Variants in TBPL2 observed in about 807,000 individuals in gnomAD.
TBPL2 encodes the protein TATA box-binding protein-like 2.
In TBPL2, 40 loss-of-function variants were observed where a neutral mutation model predicts 38.2. The observed-to-expected ratio is 1.05, with a 90% CI of 0.81 to 1.36. TBPL2 has a LOEUF of 1.36. TBPL2 is among the 40% of genes most tolerant of loss of function. The pLI is 0.00. For synonymous variants in TBPL2, 169 were observed against 171.7 expected (o/e 0.98, Z 0.12); for missense variants, 461 against 456.7 (o/e 1.01, Z -0.09).
chr14:55,437,929 AATTT>A (rs2140181531), intron 1 of TBPL2, among the ~76,000 whole-genome samples: 1 of 152,334 alleles, frequency 6.6e-6, no homozygotes, highest in Admixed American at 6.5e-5. Flanking sequence ...AGTGTAAATC[AATTT>A]ATTTTCAGTC....
At chr14:55,422,160 A>G (rs1004558548) in intron 6 of TBPL2, among the ~76,000 whole-genome samples, 2 of 152,216 alleles carry the variant, frequency 1.3e-5, no homozygotes, top group African/African-American at 2.4e-5. Context: ...GAGTCATCCA[A>G]AATTAATGAG....
chr14:55,432,150 G>A (rs764435571), intron 4 of TBPL2, among the ~76,000 whole-genome samples: 11 of 151,628 alleles, frequency 7.3e-5, no homozygotes, highest in Non-Finnish European at 1.5e-4. Flanking sequence ...GCTCACGCCT[G>A]TAATCCCAGC....
chr14:55,428,954 G>T, exon 5 of TBPL2: 1 of 1,614,126 alleles, frequency 6.2e-7, no homozygotes, highest in Non-Finnish European at 8.5e-7. Context: ...TTTTCTTGCT[G>T]CAAGTCGAGA....
At chr14:55,430,303 C>T (rs552170435) in intron 4 of TBPL2, among the ~76,000 whole-genome samples, 29 of 150,048 alleles carry the variant, frequency 1.9e-4, no homozygotes, top group Admixed American at 1.7e-3. Context: ...GTTTGATTCT[C>T]TTATCCAGAT....
chr14:55,416,463 A>G (rs1294637657), intron 6 of TBPL2, among the ~76,000 whole-genome samples: 1 of 152,220 alleles, frequency 6.6e-6, no homozygotes, highest in African/African-American at 2.4e-5. Context: ...GAGAAAAAAT[A>G]AAGAGAAGAA....
intron 1 of TBPL2, among the ~76,000 whole-genome samples, chr14:55,437,384 A>G (rs1190583344): frequency 6.6e-6 from 1 of 152,266 alleles, no homozygotes; most frequent in African/African-American, 2.4e-5. Context: ...AGGCTGAGGC[A>G]TGAGAATCTC....
intron 5 of TBPL2, 75 bp downstream of exon 5, chr14:55,428,732 A>G (rs1885872918): frequency 6.9e-7 from 1 of 1,445,322 alleles, no homozygotes; most frequent in Non-Finnish European, 9.4e-7. Flanking sequence ...TCTGAAAGAT[A>G]CTTTACGTAA....
exon 6 of TBPL2, chr14:55,424,226 A>T: frequency 6.2e-7 from 1 of 1,613,328 alleles, no homozygotes; most frequent in Non-Finnish European, 8.5e-7. Flanking sequence ...TTCTATAAAT[A>T]AGACCAGGAA....
chr14:55,434,158 A>G (rs1222260679), intron 3 of TBPL2, among the ~76,000 whole-genome samples: 1 of 152,232 alleles, frequency 6.6e-6, no homozygotes, highest in Non-Finnish European at 1.5e-5. Flanking sequence ...AAAAATAAGT[A>G]TGTTAAAGGC....
intron 1 of TBPL2, among the ~76,000 whole-genome samples, chr14:55,438,051 G>A (rs1479585728): frequency 2.0e-5 from 3 of 152,126 alleles, no homozygotes; most frequent in Non-Finnish European, 2.9e-5. Flanking sequence ...GGAAAAAATC[G>A]ATTAGCTTGA....
intron 5 of TBPL2, among the ~76,000 whole-genome samples, chr14:55,427,438 G>T (rs1192646766): frequency 6.6e-6 from 1 of 152,160 alleles, no homozygotes; most frequent in African/African-American, 2.4e-5. Flanking sequence ...TATCTGAAAG[G>T]AAAGCTAACA....
chr14:55,429,823 A>T lies in TBPL2; in HGVS notation c.789-849T>A, dbSNP rs1431712918. ...CAAGAAAAAATAAGGACACATGCAT[A>T]CAAAAAAAAATCGCATATAAGGAGG... is the stretch of plus-strand genomic sequence containing the variant. On this transcript the variant is annotated intron_variant, in intron 4 of 6. Transcript: ENST00000247219. 2.6e-5 allele frequency among the ~76,000 whole-genome samples: 4 copies of T among 151,704 alleles called. No homozygotes were observed. In the East Asian group the frequency reaches 7.7e-4, roughly 29 times the overall value.
chr14:55,436,413 G>T, intron 2 of TBPL2, 148 bp downstream of exon 2: 1 of 783,556 alleles, frequency 1.3e-6, no homozygotes. Context: ...ACTGTCTAAA[G>T]CCACAATCCA....
At chr14:55,414,213 T>G in exon 7 of TBPL2, 1 of 585,182 alleles carries the variant, frequency 1.7e-6, no homozygotes, top group South Asian at 2.3e-5. Context: ...GGAGTCATTT[T>G]GAATAAGAAT....
intron 5 of TBPL2, among the ~76,000 whole-genome samples, chr14:55,427,784 G>GA (rs563490237): frequency 2.0e-4 from 30 of 151,612 alleles, no homozygotes; most frequent in African/African-American, 7.0e-4. Flanking sequence ...TATTCCCTAG[G>GA]AAAAGGAATA....
chr14:55,430,217 C>T (rs1885903546), intron 4 of TBPL2, among the ~76,000 whole-genome samples: 1 of 151,896 alleles, frequency 6.6e-6, no homozygotes, highest in Non-Finnish European at 1.5e-5. Flanking sequence ...TGGGTTTGGC[C>T]CTATTTTTAG....
Position 55,427,925 on chromosome 14 carries a change from C to A in TBPL2, c.956+882G>T, listed in dbSNP as rs186835727. Among the ~76,000 whole-genome samples, 593 of 137,682 alleles carry A rather than the reference C, an allele frequency of 4.3e-3. 11 individuals are homozygous for A. The highest frequency in any genetic ancestry group is 0.037 in the Admixed American group (486 of 13,018). 90.3% of individuals were successfully genotyped at this position (137,682 alleles called of 152,430 possible). On this transcript the variant is annotated intron_variant, in intron 5 of 6. Coordinates refer to ENST00000247219, the Ensembl canonical transcript of TBPL2. ...AGACGGAGTCTGGCTGTGGCCCGGGCTGGAGTGCAGTGGCGCGATCTCTCA... is the reference window on the plus strand; with the variant it reads ...AGACGGAGTCTGGCTGTGGCCCGGGATGGAGTGCAGTGGCGCGATCTCTCA...
chr14:55,428,117 ATCT>A lies in TBPL2; in HGVS notation c.956+687_956+689del, dbSNP rs1566592695. On this transcript the variant is annotated intron_variant, in intron 5 of 6. Transcript: ENST00000247219. ...CGGCCTAGTCCATTTCACATGCCTT[ATCT>A]TTTTTTTTTTTTTTTTTTTTTTTTT... is the stretch of plus-strand genomic sequence containing the variant. Among the ~76,000 whole-genome samples, 9 of 48,330 alleles carry A rather than the reference ATCT, an allele frequency of 1.9e-4. 1 individual carries two copies. Among genetic ancestry groups the A allele is most frequent in the Non-Finnish European group, 3.7e-4 (9 of 24,604 alleles). The allele number at this position is 48,330 out of a possible 152,430, so 31.7% of individuals were successfully genotyped here. A position where few individuals can be genotyped will look rare whatever the true frequency, so the allele number is the denominator to read the frequency against.
chr14:55,421,697 A>G (rs1885747455), intron 6 of TBPL2, among the ~76,000 whole-genome samples: 1 of 152,152 alleles, frequency 6.6e-6, no homozygotes, highest in Admixed American at 6.5e-5. Context: ...TCCTGGCCTC[A>G]TGTGATCTGC....
Sources: gnomAD v4.1 joint callset for allele counts (sites outside exome capture counted in the v4.1 genomes callset) on GRCh38, gnomAD v4.1.1 for gene constraint, MANE v1.5 for transcripts, NCBI Gene and HGNC (gene_info 2026-07-23, HGNC 2026-07-21) for gene names.